PIBF1: variants seen among roughly 807,000 people sequenced by gnomAD.
The protein encoded by PIBF1 is progesterone immunomodulatory binding factor 1, also known as progesterone-induced-blocking factor 1.
PIBF1 carries 90 observed loss-of-function variants against 112.5 expected under a neutral mutation model. That is an observed-to-expected ratio of 0.80 (90% CI 0.67 to 0.95). The LOEUF is 0.95. Ranked by LOEUF, PIBF1 falls within the 40% of genes least tolerant of loss-of-function variation. The pLI is 0.00. For synonymous variants in PIBF1, 301 were observed against 288.6 expected, an observed-to-expected ratio of 1.04 and a Z score of -0.44; for missense variants, 915 against 852.3, an observed-to-expected ratio of 1.07 and a Z score of -0.92.
At chr13:72,848,941 T>C (rs2038002838) in intron 9 of PIBF1, among the ~76,000 whole-genome samples, 1 of 152,236 alleles carries the variant, frequency 6.6e-6, no homozygotes, top group Non-Finnish European at 1.5e-5. Context: ...TGTGTGTTTC[T>C]TTGGCATAAT....
chr13:72,970,034 T>G (rs1324994464), intron 15 of PIBF1, among the ~76,000 whole-genome samples: 1 of 152,180 alleles, frequency 6.6e-6, no homozygotes, highest in Non-Finnish European at 1.5e-5. Flanking sequence ...TTGATGATTT[T>G]TAAATGTTTT....
At chr13:72,837,671 C>T (rs1288990786) in intron 9 of PIBF1, among the ~76,000 whole-genome samples, 1 of 152,022 alleles carries the variant, frequency 6.6e-6, no homozygotes, top group Non-Finnish European at 1.5e-5. Context: ...TAATAACTTC[C>T]TTGCTTCTCC....
At chr13:72,832,029 G>GT (rs1264678185) in intron 8 of PIBF1, among the ~76,000 whole-genome samples, 1 of 121,874 alleles carries the variant, frequency 8.2e-6, no homozygotes, top group Non-Finnish European at 1.7e-5. Flanking sequence ...ATCTTTGTTG[G>GT]TTTAAAGTCT....
At chr13:72,981,884 T>G (rs1158370535) in intron 16 of PIBF1, among the ~76,000 whole-genome samples, 1 of 152,176 alleles carries the variant, frequency 6.6e-6, no homozygotes, top group African/African-American at 2.4e-5. Flanking sequence ...TTCTACATTT[T>G]GAAATACTAT....
At chr13:72,955,327 T>A (rs1305585256) in intron 14 of PIBF1, among the ~76,000 whole-genome samples, 2 of 152,070 alleles carry the variant, frequency 1.3e-5, no homozygotes, top group African/African-American at 2.4e-5. Context: ...GTTATTTAAA[T>A]CATGCTTGTA....
chr13:72,874,000 A>G (rs1247996265), intron 10 of PIBF1, among the ~76,000 whole-genome samples: 1 of 152,192 alleles, frequency 6.6e-6, no homozygotes, highest in African/African-American at 2.4e-5. Flanking sequence ...AAGATGCTAA[A>G]CATTATTAAT....
intron 5 of PIBF1, among the ~76,000 whole-genome samples, chr13:72,809,197 T>C (rs61629575): frequency 0.011 from 1,658 of 150,902 alleles, 40 homozygotes; most frequent in African/African-American, 0.037. Flanking sequence ...GTGATTATTT[T>C]TGAGCTAGAG....
chr13:72,876,396 A>G (rs1162730709), intron 10 of PIBF1, among the ~76,000 whole-genome samples: 1 of 151,892 alleles, frequency 6.6e-6, no homozygotes, highest in Non-Finnish European at 1.5e-5. Flanking sequence ...TTCTCTTTCC[A>G]TATAATATTG....
intron 16 of PIBF1, among the ~76,000 whole-genome samples, chr13:72,986,036 G>A (rs2043279101): frequency 6.6e-6 from 1 of 151,922 alleles, no homozygotes; most frequent in Non-Finnish European, 1.5e-5. Flanking sequence ...GGTGGCTCGT[G>A]CCTATAGTCC....
rs71099757 is a variant in PIBF1 at position 72,828,045 on chromosome 13, C to CTTATT, written c.1097+154_1097+158dup. On this transcript the variant is annotated intron_variant, in intron 8 of 17. Transcript: ENST00000326291. ...CTATATGATAATACTAAGATAATAC[C>CTTATT]TTATTTTATTTTATTTTATTTTATT... The CTTATT allele has an allele frequency of 9.7e-3, 3,339 of 343,558 alleles. 95 individuals carry two copies. Among genetic ancestry groups the CTTATT allele is most frequent in the African/African-American group, 0.019 (898 of 47,750 alleles). 21.3% of individuals were successfully genotyped at this position (343,558 alleles called of 1,614,324 possible). A position where few individuals can be genotyped will look rare whatever the true frequency, so the allele number is the denominator to read the frequency against.
chr13:72,918,798 G>A (rs1335447160), intron 13 of PIBF1, among the ~76,000 whole-genome samples: 2 of 151,692 alleles, frequency 1.3e-5, no homozygotes, highest in Non-Finnish European at 2.9e-5. Flanking sequence ...CCACCTCCCA[G>A]GTTCAAGCAA....
chr13:72,946,402 T>C (rs1480793895), intron 14 of PIBF1, among the ~76,000 whole-genome samples: 1 of 152,120 alleles, frequency 6.6e-6, no homozygotes, highest in Non-Finnish European at 1.5e-5. Context: ...CAGGGTGAGA[T>C]CTGGATGGGG....
intron 11 of PIBF1, among the ~76,000 whole-genome samples, chr13:72,905,255 A>G (rs2040659929): frequency 6.6e-6 from 1 of 151,992 alleles, no homozygotes. Context: ...TTTAGTGGAG[A>G]CAGGGTTTCA....
chr13:72,950,888 C>T (rs950101400), intron 14 of PIBF1, among the ~76,000 whole-genome samples: 4 of 152,170 alleles, frequency 2.6e-5, no homozygotes, highest in South Asian at 2.1e-4. Flanking sequence ...AAGAAGATTG[C>T]GGACAGTTCA....
intron 16 of PIBF1, among the ~76,000 whole-genome samples, chr13:72,989,838 T>C (rs1291851741): frequency 2.6e-5 from 4 of 152,126 alleles, no homozygotes; most frequent in Non-Finnish European, 5.9e-5. Context: ...ATAATTGAAG[T>C]TGCGCAGTGG....
intron 9 of PIBF1, among the ~76,000 whole-genome samples, chr13:72,845,087 G>C (rs1235421331): frequency 1.3e-5 from 2 of 151,994 alleles, no homozygotes; most frequent in Non-Finnish European, 2.9e-5. Flanking sequence ...GGTCCATCTA[G>C]GTTTTAAGCC....
chr13:72,991,274 T>C (rs903076455), intron 16 of PIBF1, among the ~76,000 whole-genome samples: 1 of 145,224 alleles, frequency 6.9e-6, no homozygotes, highest in Non-Finnish European at 1.5e-5. Context: ...AGATTGTTTA[T>C]GCAGTCGTCA....
intron 16 of PIBF1, among the ~76,000 whole-genome samples, chr13:72,980,565 CAG>C: frequency 6.6e-6 from 1 of 151,944 alleles, no homozygotes; most frequent in East Asian, 2.0e-4. Context: ...GAGGCTGAGG[CAG>C]ACAGATCACT....
intron 17 of PIBF1, among the ~76,000 whole-genome samples, chr13:73,012,781 A>G (rs1268077822): frequency 1.3e-5 from 2 of 151,196 alleles, no homozygotes; most frequent in African/African-American, 2.4e-5. Flanking sequence ...AATAATAATA[A>G]TAAGGGTATT....
Sources: gnomAD v4.1 joint callset for allele counts (sites outside exome capture counted in the v4.1 genomes callset) on GRCh38, gnomAD v4.1.1 for gene constraint, MANE v1.5 for transcripts, NCBI Gene and HGNC (gene_info 2026-07-23, HGNC 2026-07-21) for gene names.